The following ROPN1L variants were observed in gnomAD, a reference collection of about 807,000 sequenced individuals.
The protein encoded by ROPN1L is ropporin-1-like protein.
ROPN1L carries 23 observed loss-of-function variants against 22.7 expected under a neutral mutation model. The ratio of observed to expected loss-of-function variants is 1.01; its 90% CI spans 0.73 to 1.43. ROPN1L has a LOEUF of 1.43. ROPN1L is among the 40% of genes most tolerant of loss of function. The pLI is 0.00. For missense variants in ROPN1L, 271 were observed against 291.5 expected (o/e 0.93, Z 0.51); for synonymous variants, 116 against 117.8 (o/e 0.98, Z 0.10).
At chr5:10,448,405 G>A (rs1741148691) in intron 2 of ROPN1L, 22 bp downstream of exon 2, 8 of 1,613,686 alleles carry the variant, frequency 5.0e-6, no homozygotes, top group Non-Finnish European at 6.8e-6. Flanking sequence ...CGTAGTCTCT[G>A]GCCTCAGGCA....
chr5:10,472,483 G>C (rs187460495), downstream of ROPN1L, among the ~76,000 whole-genome samples: 549 of 152,294 alleles, frequency 3.6e-3, 4 homozygotes, highest in Non-Finnish European at 6.5e-3. Flanking sequence ...CTTGGTGCTG[G>C]GAGAGAGAGG....
intron 3 of ROPN1L, among the ~76,000 whole-genome samples, chr5:10,453,619 T>G (rs1382461748): frequency 2.0e-5 from 3 of 152,246 alleles, no homozygotes; most frequent in African/African-American, 7.2e-5. Flanking sequence ...AGCCGCTGCC[T>G]GCGTGAGCGG....
At chr5:10,455,856 A>T (rs1208863232) in intron 3 of ROPN1L, among the ~76,000 whole-genome samples, 3 of 152,214 alleles carry the variant, frequency 2.0e-5, no homozygotes, top group Non-Finnish European at 4.4e-5. Context: ...TTTAAAAACC[A>T]GTGCTGGGTC....
intron 1 of ROPN1L, among the ~76,000 whole-genome samples, chr5:10,447,429 G>T (rs1298812275): frequency 1.3e-5 from 2 of 152,192 alleles, no homozygotes; most frequent in African/African-American, 4.8e-5. Context: ...GGCAGGAAAA[G>T]TGGGGGTGGG....
At chr5:10,463,372 A>T (rs963683624) in intron 4 of ROPN1L, among the ~76,000 whole-genome samples, 1 of 152,184 alleles carries the variant, frequency 6.6e-6, no homozygotes, top group Non-Finnish European at 1.5e-5. Flanking sequence ...ACCTATGGGG[A>T]GGCAGAGAGA....
chr5:10,477,917 GAGATTCTGTCTAAAAAA>G, the ROPN1L span: 1 of 152,164 alleles, frequency 6.6e-6, no homozygotes, highest in African/African-American at 2.4e-5. Flanking sequence ...GTGACAGAGT[GAGATTCTGTCTAAAAAA>G]AGAAAAAAAA....
At chr5:10,463,810 A>T (rs1447442183) in intron 4 of ROPN1L, among the ~76,000 whole-genome samples, 4 of 152,118 alleles carry the variant, frequency 2.6e-5, no homozygotes, top group Admixed American at 2.0e-4. Flanking sequence ...TTCAGTGCCA[A>T]GAGGACAGTA....
At chr5:10,442,368 T>TC in intron 1 of ROPN1L, 70 bp downstream of exon 1, 1 of 1,582,408 alleles carries the variant, frequency 6.3e-7, no homozygotes, top group Non-Finnish European at 8.6e-7. Context: ...AGAGCCCTCC[T>TC]CCCGGACCAG....
intron 1 of ROPN1L, among the ~76,000 whole-genome samples, chr5:10,446,607 G>A (rs917302229): frequency 1.3e-5 from 2 of 149,498 alleles, no homozygotes; most frequent in African/African-American, 4.9e-5. Context: ...GTTGCAATGA[G>A]CTGAGATGGC....
In ROPN1L at chr5:10,450,034, C is replaced by T. The variant is rs2303986; in HGVS notation, c.338C>T (p.Ala113Val). The change falls in exon 3 of 5, where the codon GCG becomes GTG. Residue 113 changes from alanine (A) to valine (V), a missense_variant. By Grantham distance (64) the Ala-to-Val change is moderately conservative. Coordinates refer to ENST00000274134, the MANE Select transcript of ROPN1L (RefSeq NM_031916.5). ...NLCLPKEKFK[A>V]LLQLDPCENK... ...TGCCTGCCGAAGGAAAAATTCAAAG[C>T]GCTCTTACAACTGGATCCTTGTGAA... 8.6e-4 allele frequency: 1,382 copies of T among 1,613,726 alleles called. No individual in the cohort carries two copies. The highest frequency in any genetic ancestry group is 4.7e-3 in the East Asian group (209 of 44,866).
chr5:10,455,528 C>T (rs1741389490), intron 3 of ROPN1L, among the ~76,000 whole-genome samples: 1 of 152,196 alleles, frequency 6.6e-6, no homozygotes, highest in South Asian at 2.1e-4. Flanking sequence ...AGGCAGGGGC[C>T]ACGCTCCCCT....
chr5:10,477,664 T>A, the ROPN1L span, among the ~76,000 whole-genome samples: 1 of 152,214 alleles, frequency 6.6e-6, no homozygotes, highest in Non-Finnish European at 1.5e-5. Flanking sequence ...GCACAGTGGC[T>A]CATGTCTGTA....
chr5:10,468,801 C>G (rs534249509), downstream of ROPN1L, among the ~76,000 whole-genome samples: 1 of 152,256 alleles, frequency 6.6e-6, no homozygotes, highest in South Asian at 2.1e-4. Context: ...GGAGAGGAGG[C>G]CACATCTGGA....
At chr5:10,455,257 T>C (rs550304119) in intron 3 of ROPN1L, among the ~76,000 whole-genome samples, 1 of 152,354 alleles carries the variant, frequency 6.6e-6, no homozygotes, top group South Asian at 2.1e-4. Flanking sequence ...TACTCCTCGC[T>C]GCTGTTTCCT....
At chr5:10,449,844 G>C (rs1741195462) in intron 2 of ROPN1L, 108 bp from the exon 3 acceptor site, 1 of 883,166 alleles carries the variant, frequency 1.1e-6, no homozygotes, top group Non-Finnish European at 1.7e-6. Context: ...GAGTTCATCT[G>C]TCCCCTGCAT....
chr5:10,475,255 G>A (rs917092665), downstream of ROPN1L, among the ~76,000 whole-genome samples: 3 of 152,234 alleles, frequency 2.0e-5, no homozygotes, highest in African/African-American at 7.2e-5. Flanking sequence ...TCTCAGCTCA[G>A]GGCAAGGGGA....
At chr5:10,459,012 T>A (rs1734945841) in intron 3 of ROPN1L, among the ~76,000 whole-genome samples, 1 of 143,604 alleles carries the variant, frequency 7.0e-6, no homozygotes, top group African/African-American at 2.6e-5. Flanking sequence ...TGCTCCCAAG[T>A]CTCCTCCGTG....
chr5:10,452,090 C>T (rs916266092), intron 3 of ROPN1L, among the ~76,000 whole-genome samples: 8 of 152,152 alleles, frequency 5.3e-5, no homozygotes, highest in South Asian at 2.1e-4. Context: ...AAGTGATTCT[C>T]CTGCCTCAGC....
chr5:10,471,168 C>T (rs573353845), intron 4 of ROPN1L, among the ~76,000 whole-genome samples: 3 of 152,098 alleles, frequency 2.0e-5, no homozygotes, highest in African/African-American at 7.2e-5. Context: ...GATGAAGTCT[C>T]ACTCCATTGC....
Sources: allele counts gnomAD v4.1 joint callset (sites outside exome capture counted in the v4.1 genomes callset), GRCh38; gene constraint gnomAD v4.1.1; transcripts MANE v1.5; gene names NCBI Gene and HGNC (gene_info 2026-07-23, HGNC 2026-07-21).